DDB1: variants seen among roughly 807,000 people sequenced by gnomAD.
DDB1 encodes damage specific DNA binding protein 1, also known as DNA damage-binding protein 1.
Under a neutral mutation model 133.1 loss-of-function variants are expected in DDB1, and 18 were observed. The ratio of observed to expected loss-of-function variants is 0.14; its 90% CI spans 0.09 to 0.20. The LOEUF (loss-of-function observed/expected upper bound fraction) is 0.20. Among genes scored for constraint, DDB1 ranks in the 10% least tolerant of loss-of-function variants. The pLI is 1.00. For missense variants in DDB1, 828 were observed against 1,459.2 expected, an observed-to-expected ratio of 0.57 and a Z score of 7.05; for synonymous variants, 580 against 550.5, an observed-to-expected ratio of 1.05 and a Z score of -0.75.
intron 26 of DDB1, among the ~76,000 whole-genome samples, chr11:61,300,574 CG>C (rs1412524666): frequency 2.0e-5 from 3 of 152,200 alleles, no homozygotes; most frequent in Non-Finnish European, 4.4e-5. Flanking sequence ...TGCTCAAGGA[CG>C]GGGTTAACAT....
rs1856276552 is a variant in DDB1 at position 61,326,722 on chromosome 11, G to C, written c.664+57C>G. On this transcript the variant is annotated intron_variant, in intron 5 of 26. Coordinates refer to ENST00000301764, the MANE Select transcript of DDB1 (RefSeq NM_001923.5). Reference sequence around the variant, plus strand: ...GCAGAGAAGGTGAGGGAGCGAACAAGAACAGGGAACTAGCCTAGACCCAGG... The same window carrying C: ...GCAGAGAAGGTGAGGGAGCGAACAACAACAGGGAACTAGCCTAGACCCAGG... The C allele has an allele frequency of 7.8e-6, 11 of 1,417,378 alleles. No homozygotes were observed. The South Asian group carries it at 1.1e-4, about 15-fold the overall frequency. The allele number at this position is 1,417,378 out of a possible 1,614,324, so 87.8% of individuals were successfully genotyped here. A position where few individuals can be genotyped will look rare whatever the true frequency, so the allele number is the denominator to read the frequency against.
Position 61,302,326 on chromosome 11 carries a change from T to C in DDB1, c.3146A>G (p.Asn1049Ser), listed in dbSNP as rs182128993. Residue 1049 changes from asparagine to serine, a missense_variant, in exon 25 of 27, where the codon AAC (asparagine) becomes AGC (serine). Asn to Ser is a conservative substitution (Grantham distance 46, BLOSUM62 1). This residue lies in a region of DDB1 where 116 missense variants were observed against 221.6 expected (regional missense o/e 0.52). Coordinates refer to ENST00000301764, the MANE Select transcript of DDB1 (RefSeq NM_001923.5). ...TCGATTCTGCATGTCCAGCAGGAGG[T>C]TGTACCAGCTCTCTGACAGTGAGGT... ...LVTSLSESWYNLLLDMQNRLN... is the reference protein window; with the variant it reads ...LVTSLSESWYSLLLDMQNRLN... 19 of 1,614,118 alleles carry C rather than the reference T, an allele frequency of 1.2e-5. No homozygotes were observed. The highest frequency in any genetic ancestry group is 3.3e-5 in the Admixed American group (2 of 60,008).
intron 21 of DDB1, among the ~76,000 whole-genome samples, chr11:61,305,369 TTG>T (rs1855867617): frequency 6.6e-6 from 1 of 152,084 alleles, no homozygotes; most frequent in African/African-American, 2.4e-5. Context: ...CAGCTGGGCA[TTG>T]TGACGTGTGC....
chr11:61,329,638 A>C, intron 3 of DDB1, 54 bp from the exon 4 acceptor site: 3 of 1,518,826 alleles, frequency 2.0e-6, no homozygotes, highest in Non-Finnish European at 2.7e-6. Flanking sequence ...AGAGCAACAG[A>C]GGACGCTGGG....
rs1855781568 is a variant in DDB1, at chr11:61,300,880, C to T, written c.3268G>A (p.Asp1090Asn). The T allele has an allele frequency of 5.6e-6, 9 of 1,614,130 alleles. No homozygotes were observed. Among genetic ancestry groups the T allele is most frequent in the East Asian group, 2.2e-5 (1 of 44,870 alleles). The change falls in exon 26 of 27, where the codon GAC (aspartate) becomes AAC (asparagine). Residue 1090 changes from aspartate to asparagine, a missense_variant. By Grantham distance (23) the Asp-to-Asn change is conservative. Transcript: ENST00000301764. Reference sequence around the variant, plus strand: ...AGGAAACTCTCAATCAAGTCACCGTCGATGAAACCTGTGGCTGGTTCTGTC... The same window carrying T: ...AGGAAACTCTCAATCAAGTCACCGTTGATGAAACCTGTGGCTGGTTCTGTC... ...RKTEPATGFI[D>N]GDLIESFLDI... is the part of the protein sequence containing the mutation.
At chr11:61,311,700 G>T in intron 18 of DDB1, 84 bp downstream of exon 18, 1 of 1,260,764 alleles carries the variant, frequency 7.9e-7, no homozygotes, top group Non-Finnish European at 1.1e-6. Context: ...TGCCTGCAAA[G>T]CCGAAAGCCT....
At chr11:61,320,957 C>G (rs1856168248) in intron 10 of DDB1, among the ~76,000 whole-genome samples, 1 of 151,500 alleles carries the variant, frequency 6.6e-6, no homozygotes, top group Non-Finnish European at 1.5e-5. Context: ...AATCATGGCT[C>G]TCTACAGCCT....
At position 61,313,525 on chromosome 11, in the gene DDB1, G is replaced by A. The variant is rs1856012856; in HGVS notation, c.2043C>T (p.Pro681=). 1.9e-6 allele frequency: 3 copies of A among 1,613,984 alleles called. No individual in the cohort carries two copies. The Admixed American group carries it at 5.0e-5, about 27-fold the overall frequency. The change falls in exon 16 of 27, where the codon CCC becomes CCT. Residue 681 remains proline (P), a synonymous_variant. Transcript: ENST00000301764. The part of the protein sequence containing the change: ...VNLKEVNYMC[P]LNSDGYPDSL... ...TGTCAGGATAGCCATCTGAATTGAG[G>A]GGACACATGTAGTTCACTTCCTTGA...
intron 10 of DDB1, among the ~76,000 whole-genome samples, chr11:61,318,172 TTTAA>T (rs1856121621): frequency 6.6e-6 from 1 of 152,246 alleles, no homozygotes; most frequent in Admixed American, 6.5e-5. Flanking sequence ...GAACACAGTA[TTTAA>T]TTGTGTAAAT....
intron 21 of DDB1, among the ~76,000 whole-genome samples, chr11:61,304,718 C>CA (rs1017488360): frequency 2.9e-4 from 42 of 146,796 alleles, no homozygotes; most frequent in East Asian, 7.9e-4. Flanking sequence ...ACTAAAAATA[C>CA]AAAAAAAAAA....
intron 3 of DDB1, 115 bp from the exon 4 acceptor site, chr11:61,329,699 A>G (rs1453115352): frequency 2.1e-6 from 2 of 968,906 alleles, no homozygotes; most frequent in Non-Finnish European, 3.0e-6. Flanking sequence ...TAATGGATCT[A>G]TTTGATAGGC....
In DDB1 at chr11:61,302,379, A is replaced by C. The variant is rs1855812036; in HGVS notation, c.3113-20T>G. On this transcript the variant is annotated intron_variant, in intron 24 of 26. Coordinates refer to ENST00000301764, the MANE Select transcript of DDB1 (RefSeq NM_001923.5). ...CCAGCCCTGAAGAAGTGAAGGAGGC[A>C]GTGAGCTGCAGAGAGCTCAACCCCA... is the stretch of plus-strand genomic sequence containing the variant. 6.2e-7 allele frequency: 1 copy of C among 1,608,980 alleles called. No homozygotes were observed. Among genetic ancestry groups the C allele is most frequent in the Admixed American group, 1.7e-5 (1 of 59,976 alleles).
In DDB1 at chr11:61,310,333, A is replaced by T; in HGVS notation, c.2363T>A (p.Val788Glu). The T allele has an allele frequency of 6.2e-7, 1 of 1,612,466 alleles. No homozygotes were observed. The highest frequency in any genetic ancestry group is 8.5e-7 in the Non-Finnish European group (1 of 1,179,762). ...HETSFGEEVE[V>E]HNLLIIDQHT... ...TTGGTCAATGATAAGTAGGTTGTGCACCTCCACCTCTTCTCCAAAGGAGGT... is the reference window on the plus strand; with the variant it reads ...TTGGTCAATGATAAGTAGGTTGTGCTCCTCCACCTCTTCTCCAAAGGAGGT... The change falls in exon 19 of 27, where the codon GTG becomes GAG. Residue 788 changes from valine (V) to glutamate (E), a missense_variant. Transcript: ENST00000301764.
chr11:61,316,976 T>TATATATATATAC (rs1565034284), intron 10 of DDB1, among the ~76,000 whole-genome samples: 27 of 56,602 alleles, frequency 4.8e-4, no homozygotes, highest in Non-Finnish European at 9.5e-4. Context: ...TATATATATA[T>TATATATATATAC]ATATATATAT....
In DDB1 at chr11:61,322,354, T is replaced by C. The variant is rs1856195784; in HGVS notation, c.1064A>G (p.Asn355Ser). ...GCACATATCGACAATGGGTCCTAAG[T>C]TGGTAAAGGTTTCCATGGCCACTAC... Reference protein sequence around the residue: ...SYVVAMETFTNLGPIVDMCVV... With the variant: ...SYVVAMETFTSLGPIVDMCVV... Residue 355 changes from asparagine to serine, a missense_variant, in exon 9 of 27, where the codon AAC (asparagine) becomes AGC (serine). Coordinates refer to ENST00000301764, the MANE Select transcript of DDB1 (RefSeq NM_001923.5). The C allele has an allele frequency of 1.2e-6, 2 of 1,614,056 alleles. No homozygotes were observed. Among genetic ancestry groups the C allele is most frequent in the Non-Finnish European group, 1.7e-6 (2 of 1,180,046 alleles).
At position 61,314,039 on chromosome 11, in the gene DDB1, A is replaced by G. The variant is rs1158940859; in HGVS notation, c.1753+8T>C. 1 of 1,614,080 alleles carries G rather than the reference A, an allele frequency of 6.2e-7. No individual in the cohort carries two copies. The highest frequency in any genetic ancestry group is 2.2e-5 in the East Asian group (1 of 44,870). On this transcript the variant is annotated splice_region_variant and intron_variant, in intron 14 of 26. Transcript: ENST00000301764. ...CTGTCCCAACCCAGGTCCCTAAATG[A>G]CACATACCTCCACCCAGCATCTCCT...
At chr11:61,322,207 T>C (rs1856192664) in intron 9 of DDB1, 89 bp downstream of exon 9, 6 of 1,028,754 alleles carry the variant, frequency 5.8e-6, no homozygotes, top group Non-Finnish European at 9.1e-6. Context: ...GTATTTTCAG[T>C]GCACCCTCCC....
At position 61,302,728 on chromosome 11, in the gene DDB1, C is replaced by T. The variant is rs1855820246; in HGVS notation, c.2966G>A (p.Arg989Gln). 3 of 1,614,206 alleles carry T rather than the reference C, an allele frequency of 1.9e-6. No individual in the cohort carries two copies. The highest frequency in any genetic ancestry group is 2.5e-6 in the Non-Finnish European group (3 of 1,180,028). The change falls in exon 24 of 27, where the codon CGG becomes CAG. Residue 989 changes from arginine (R) to glutamine (Q), a missense_variant. This residue lies in a region of DDB1 where 116 missense variants were observed against 221.6 expected (regional missense o/e 0.52). Transcript: ENST00000301764. ...KDSAATTDEE[R>Q]QHLQEVGLFH... ...AAGACCAACCTCCTGGAGGTGCTGC[C>T]GCTCCTCGTCAGTGGTGGCAGCGCT...
chr11:61,310,014 C>T lies in DDB1; in HGVS notation c.2402-54G>A, dbSNP rs938664503. ...GACAGGTTACCCATATCTGCACGCA[C>T]ACATAACCCCGTATTTCTGAGGCCT... On this transcript the variant is annotated intron_variant, in intron 19 of 26. Transcript: ENST00000301764. 71 of 1,608,902 alleles carry T rather than the reference C, an allele frequency of 4.4e-5. 1 individual carries two copies. The Admixed American group carries it at 1.1e-3, about 26-fold the overall frequency.
Sources: allele counts gnomAD v4.1 joint callset (sites outside exome capture counted in the v4.1 genomes callset), GRCh38; gene constraint gnomAD v4.1.1; regional missense constraint gnomAD v4.1.1; transcripts MANE v1.5; gene names NCBI Gene and HGNC (gene_info 2026-07-23, HGNC 2026-07-21).